The following LAMB1 variants were observed in gnomAD, a reference collection of about 807,000 sequenced individuals.
The protein encoded by LAMB1 is laminin subunit beta 1.
LAMB1 carries 121 observed loss-of-function variants against 222.3 expected under a neutral mutation model. That is an observed-to-expected ratio of 0.54 (90% CI 0.47 to 0.63). The LOEUF (loss-of-function observed/expected upper bound fraction) is 0.63. LAMB1 is among the 30% of genes least tolerant of loss of function. The pLI is 0.00. For missense variants in LAMB1, 2,172 were observed against 2,240.8 expected (o/e 0.97, Z 0.62); for synonymous variants, 794 against 807.2 (o/e 0.98, Z 0.28).
intron 5 of LAMB1, among the ~76,000 whole-genome samples, chr7:107,991,512 A>T (rs1160351225): frequency 6.6e-6 from 1 of 151,894 alleles, no homozygotes; most frequent in East Asian, 1.9e-4. Flanking sequence ...GCTTGAACCC[A>T]GGAGGCAGAG....
intron 14 of LAMB1, 74 bp downstream of exon 14, chr7:107,964,478 C>A: frequency 1.9e-6 from 3 of 1,564,646 alleles, no homozygotes; most frequent in Non-Finnish European, 2.6e-6. Context: ...GAAATGGGGT[C>A]TTTACAAAGC....
intron 4 of LAMB1, among the ~76,000 whole-genome samples, chr7:107,995,355 T>C (rs1246511059): frequency 2.6e-5 from 4 of 152,028 alleles, no homozygotes; most frequent in African/African-American, 9.7e-5. Context: ...CAGTAGGGGG[T>C]CAGCTTGCAG....
At chr7:107,990,035 TTG>T (rs1359986384) in intron 5 of LAMB1, among the ~76,000 whole-genome samples, 55 of 151,944 alleles carry the variant, frequency 3.6e-4, no homozygotes, top group African/African-American at 1.1e-3. Flanking sequence ...GTGTTTTTTT[TTG>T]TTTGTTTGTT....
chr7:107,932,128 GA>G lies in LAMB1; in HGVS notation c.4392+45del, dbSNP rs535579508. On this transcript the variant is annotated intron_variant, in intron 28 of 33. Coordinates refer to ENST00000222399, the MANE Select transcript of LAMB1 (RefSeq NM_002291.3). ...CTTTCAGATCCTTTAGTCCACAGCT[GA>G]AAGCAAACATACATAACAAAAACTG... 231 of 1,557,620 alleles carry G rather than the reference GA, an allele frequency of 1.5e-4. 1 individual carries two copies. The East Asian group carries it at 4.9e-3, about 33-fold the overall frequency.
At chr7:107,976,015 A>G in intron 9 of LAMB1, 138 bp from the exon 10 acceptor site, 1 of 646,490 alleles carries the variant, frequency 1.5e-6, no homozygotes, top group Admixed American at 2.9e-5. Context: ...ACTCCTGGGG[A>G]AAAAGGACGC....
At chr7:107,929,362 C>T (rs2032649673) in intron 30 of LAMB1, 50 bp downstream of exon 30, 2 of 1,551,570 alleles carry the variant, frequency 1.3e-6, no homozygotes, top group East Asian at 2.2e-5. Flanking sequence ...ACTTTTTACT[C>T]CATGATAGAT....
intron 24 of LAMB1, among the ~76,000 whole-genome samples, chr7:107,948,173 G>A (rs2033161367): frequency 1.3e-5 from 2 of 152,150 alleles, no homozygotes; most frequent in South Asian, 2.1e-4. Context: ...TTTTAGTAGA[G>A]ATGGGGTTTC....
chr7:108,002,825 C>A (rs1476661446), intron 2 of LAMB1, 24 bp downstream of exon 2: 4 of 1,613,978 alleles, frequency 2.5e-6, no homozygotes. Flanking sequence ...CGTCCGCCTC[C>A]CCGCACCGTT....
chr7:107,940,312 C>G lies in LAMB1; in HGVS notation c.3438G>C (p.Gln1146His). The change falls in exon 25 of 34, where the codon CAG becomes CAC. Residue 1146 changes from glutamine to histidine, a missense_variant. Physicochemically the swap from Gln to His is conservative, Grantham distance 24. Transcript: ENST00000222399. Reference protein sequence around the residue: ...PRGIETPQCDQSTGQCVCVEG... With the variant: ...PRGIETPQCDHSTGQCVCVEG... ...CAACGCAGACACACTGGCCCGTGGA[C>G]TGGTCACACTGTGGCGTCTCAATGC... 6.2e-7 allele frequency: 1 copy of G among 1,614,210 alleles called. No individual in the cohort carries two copies. Among genetic ancestry groups the G allele is most frequent in the Non-Finnish European group, 8.5e-7 (1 of 1,180,018 alleles).
intron 20 of LAMB1, 43 bp downstream of exon 20, chr7:107,959,206 G>T (rs1274145688): frequency 1.3e-6 from 2 of 1,506,684 alleles, no homozygotes; most frequent in Non-Finnish European, 1.8e-6. Flanking sequence ...TGTCTGCTCA[G>T]CCAGAGATCA....
chr7:108,002,708 C>A, intron 2 of LAMB1, 141 bp downstream of exon 2: 1 of 1,194,530 alleles, frequency 8.4e-7, no homozygotes. Context: ...AGGGCGGTGG[C>A]GTTTAATCCC....
chr7:107,968,031 T>C (rs1351746230), intron 13 of LAMB1, among the ~76,000 whole-genome samples: 3 of 152,108 alleles, frequency 2.0e-5, no homozygotes, highest in Non-Finnish European at 4.4e-5. Flanking sequence ...TGGGGGAATG[T>C]GGGCAGAGAT....
intron 31 of LAMB1, among the ~76,000 whole-genome samples, chr7:107,928,587 G>A (rs563441939): frequency 1.4e-4 from 21 of 151,642 alleles, no homozygotes; most frequent in African/African-American, 4.6e-4. Flanking sequence ...CGACCTCCCC[G>A]GTTCAAGCAA....
intron 29 of LAMB1, chr7:107,930,082 T>C: frequency 6.2e-6 from 1 of 160,484 alleles, no homozygotes. Flanking sequence ...GACGAATAGC[T>C]CAGAAACTTG....
intron 2 of LAMB1, chr7:108,002,086 G>A: frequency 6.8e-7 from 1 of 1,470,638 alleles, no homozygotes; most frequent in Non-Finnish European, 9.0e-7. Flanking sequence ...GACGTGTCCG[G>A]AGCCCGGCGC....
At chr7:107,953,840 C>T in intron 21 of LAMB1, 86 bp from the exon 22 acceptor site, 2 of 1,157,590 alleles carry the variant, frequency 1.7e-6, no homozygotes, top group Non-Finnish European at 2.6e-6. Flanking sequence ...CTAGAGAGAG[C>T]TGATCGTGGC....
chr7:107,986,232 G>T lies in LAMB1; in HGVS notation c.555C>A (p.Val185=). 6.2e-7 allele frequency: 1 copy of T among 1,614,108 alleles called. No homozygotes were observed. The highest frequency in any genetic ancestry group is 8.5e-7 in the Non-Finnish European group (1 of 1,180,002). The stretch of plus-strand genomic sequence containing the variant: ...ATCGAGAATCACAAATTATGTCATC[G>T]ACTTTTTTCATGGGGCCAGTTGAAA... The part of the protein sequence containing the change: ...PGISTGPMKK[V]DDIICDSRYS... Residue 185 remains valine (V), a synonymous_variant, in exon 6 of 34, where the codon GTC becomes GTA. Transcript: ENST00000222399.
At chr7:107,992,298 G>C (rs185761572) in intron 5 of LAMB1, among the ~76,000 whole-genome samples, 1 of 152,300 alleles carries the variant, frequency 6.6e-6, no homozygotes, top group Admixed American at 6.5e-5. Flanking sequence ...AAGATTGTCT[G>C]AACTTCTGTT....
intron 21 of LAMB1, among the ~76,000 whole-genome samples, chr7:107,954,522 C>T (rs2033333885): frequency 6.6e-6 from 1 of 152,020 alleles, no homozygotes; most frequent in Non-Finnish European, 1.5e-5. Flanking sequence ...CGCCTGTAAT[C>T]CCAGCACTTT....
Sources: allele counts gnomAD v4.1 joint callset (sites outside exome capture counted in the v4.1 genomes callset), GRCh38; gene constraint gnomAD v4.1.1; transcripts MANE v1.5; gene names NCBI Gene and HGNC (gene_info 2026-07-23, HGNC 2026-07-21).